Variants in PDS5A observed in about 807,000 individuals in gnomAD.
PDS5A encodes PDS5 cohesin associated factor A.
PDS5A carries 42 observed loss-of-function variants against 167.1 expected under a neutral mutation model. The ratio of observed to expected loss-of-function variants is 0.25; its 90% CI spans 0.20 to 0.33. The LOEUF (loss-of-function observed/expected upper bound fraction) is 0.33. Ranked by LOEUF, PDS5A falls within the 10% of genes least tolerant of loss-of-function variation. The pLI, the probability that PDS5A is intolerant of heterozygous loss-of-function variation, is 1.00. For missense variants in PDS5A, 1,033 were observed against 1,605.9 expected, an observed-to-expected ratio of 0.64 and a Z score of 6.10; for synonymous variants, 553 against 554.6, an observed-to-expected ratio of 1.00 and a Z score of 0.04.
intron 2 of PDS5A, among the ~76,000 whole-genome samples, chr4:39,944,360 G>C (rs531706734): frequency 6.6e-6 from 1 of 152,090 alleles, no homozygotes; most frequent in Admixed American, 6.6e-5. Context: ...AGCCTCAAGG[G>C]GAATTCATAA....
rs1386669089 is a variant in PDS5A, at chr4:39,926,881, ATTAAT to A, written c.343-25_343-21del. On this transcript the variant is annotated intron_variant, in intron 3 of 32. Coordinates refer to ENST00000303538, the MANE Select transcript of PDS5A (RefSeq NM_001100399.2). ...TATGTCCTGTTAAAAAAAAAAACAC[ATTAAT>A]TTAGACACAAATACTTTTCTTTCAC... 1.4e-6 allele frequency: 2 copies of A among 1,388,382 alleles called. No individual in the cohort carries two copies. The highest frequency in any genetic ancestry group is 5.6e-5 in the East Asian group (2 of 35,928). The allele number at this position is 1,388,382 out of a possible 1,614,324, so 86.0% of individuals were successfully genotyped here. A position where few individuals can be genotyped will look rare whatever the true frequency, so the allele number is the denominator to read the frequency against.
At chr4:39,930,246 A>AAAAATTTTTT in intron 2 of PDS5A, among the ~76,000 whole-genome samples, 1 of 93,090 alleles carries the variant, frequency 1.1e-5, no homozygotes, top group Non-Finnish European at 2.2e-5. Context: ...AAAAAAAAAA[A>AAAAATTTTTT]GTTTTTTTGT....
intron 2 of PDS5A, among the ~76,000 whole-genome samples, chr4:39,962,031 A>C (rs1729521605): frequency 6.6e-6 from 1 of 151,584 alleles, no homozygotes; most frequent in Non-Finnish European, 1.5e-5. Context: ...ATTTCTCCAA[A>C]CTAAAAAGGT....
intron 11 of PDS5A, 88 bp downstream of exon 11, chr4:39,908,305 AAG>A (rs1341971702): frequency 2.1e-6 from 2 of 973,518 alleles, no homozygotes; most frequent in African/African-American, 3.3e-5. Flanking sequence ...TTCACACAGA[AAG>A]ACATTAAATG....
At chr4:39,918,174 C>G (rs576155870) in intron 7 of PDS5A, among the ~76,000 whole-genome samples, 1 of 129,520 alleles carries the variant, frequency 7.7e-6, no homozygotes, top group Non-Finnish European at 1.6e-5. Context: ...CAGAACAAGA[C>G]CCTGTCTCAA....
chr4:39,851,895 A>AG (rs1718152709), intron 26 of PDS5A, among the ~76,000 whole-genome samples: 1 of 152,166 alleles, frequency 6.6e-6, no homozygotes, highest in South Asian at 2.1e-4. Context: ...ACAGAAGTAT[A>AG]GGGTCAGGAT....
At chr4:39,911,767 G>A (rs1388200612) in intron 9 of PDS5A, among the ~76,000 whole-genome samples, 1 of 149,352 alleles carries the variant, frequency 6.7e-6, no homozygotes, top group Non-Finnish European at 1.5e-5. Context: ...GGGAGGCGAA[G>A]CTTGCAGTGA....
At chr4:39,921,031 C>T (rs1724913508) in intron 6 of PDS5A, among the ~76,000 whole-genome samples, 1 of 152,098 alleles carries the variant, frequency 6.6e-6, no homozygotes, top group Admixed American at 6.6e-5. Context: ...ATTAACATTG[C>T]TATATCTTGA....
At chr4:39,969,765 ATATT>A (rs1212003740) in intron 2 of PDS5A, among the ~76,000 whole-genome samples, 3 of 151,946 alleles carry the variant, frequency 2.0e-5, no homozygotes, top group Non-Finnish European at 2.9e-5. Flanking sequence ...TTAATACAAA[ATATT>A]CATTCATTCA....
At chr4:39,844,234 G>A (rs1717357195) in intron 30 of PDS5A, among the ~76,000 whole-genome samples, 1 of 152,122 alleles carries the variant, frequency 6.6e-6, no homozygotes, top group African/African-American at 2.4e-5. Context: ...CAACACTTTG[G>A]GAGGCTGAGG....
At chr4:39,976,992 C>G (rs1476177306) in intron 1 of PDS5A, among the ~76,000 whole-genome samples, 1 of 152,174 alleles carries the variant, frequency 6.6e-6, no homozygotes, top group Non-Finnish European at 1.5e-5. Context: ...CCCGCCCGGC[C>G]AGTCCCCTCC....
At chr4:39,911,788 C>T (rs957592064) in intron 9 of PDS5A, among the ~76,000 whole-genome samples, 17 of 148,378 alleles carry the variant, frequency 1.1e-4, no homozygotes, top group African/African-American at 3.2e-4. Context: ...GCAGAGATCG[C>T]GCCACTGCAC....
At chr4:39,908,696 C>G in intron 10 of PDS5A, 156 bp from the exon 11 acceptor site, 2 of 606,902 alleles carry the variant, frequency 3.3e-6, no homozygotes, top group Non-Finnish European at 5.8e-6. Flanking sequence ...TTTACAGCAG[C>G]AGTACTCTAC....
At chr4:39,843,721 A>T (rs1717279386) in intron 30 of PDS5A, among the ~76,000 whole-genome samples, 2 of 151,672 alleles carry the variant, frequency 1.3e-5, no homozygotes, top group African/African-American at 4.8e-5. Context: ...TATTAAAAAT[A>T]AGTATTTTGA....
chr4:39,826,483 T>C (rs1715334576), intron 32 of PDS5A, among the ~76,000 whole-genome samples: 1 of 150,640 alleles, frequency 6.6e-6, no homozygotes, highest in Non-Finnish European at 1.5e-5. Context: ...TTTTATTTAT[T>C]TATTTATTTA....
At chr4:39,883,934 C>G (rs1721183123) in intron 17 of PDS5A, among the ~76,000 whole-genome samples, 1 of 144,866 alleles carries the variant, frequency 6.9e-6, no homozygotes, top group South Asian at 2.3e-4. Flanking sequence ...CCAGCCTTCT[C>G]CTTTGCTTTT....
chr4:39,847,687 G>GT (rs1214302776), intron 28 of PDS5A: 1 of 152,192 alleles, frequency 6.6e-6, no homozygotes, highest in Non-Finnish European at 1.5e-5. Context: ...GCAAGGCACA[G>GT]TTATGTGTTC....
intron 2 of PDS5A, among the ~76,000 whole-genome samples, chr4:39,951,254 T>C (rs1007826065): frequency 2.0e-5 from 3 of 152,192 alleles, no homozygotes; most frequent in Admixed American, 1.3e-4. Flanking sequence ...GACTACATAA[T>C]GAGGACAGCA....
rs149976710 is a variant in PDS5A at position 39,865,786 on chromosome 4, C to A, written c.2642+1075G>T. Among the ~76,000 whole-genome samples, 519 of 152,358 alleles carry A rather than the reference C, an allele frequency of 3.4e-3. 6 individuals carry two copies. Among genetic ancestry groups the A allele is most frequent in the African/African-American group, 0.011 (475 of 41,592 alleles). On this transcript the variant is annotated intron_variant, in intron 23 of 32. Transcript: ENST00000303538. ...AAAGTGCTGGGATTACAGGCGTAAG[C>A]CACTGCACTCAGCCTCATAAAGAAT...
Sources: allele counts gnomAD v4.1 joint callset (sites outside exome capture counted in the v4.1 genomes callset), GRCh38; gene constraint gnomAD v4.1.1; transcripts MANE v1.5; gene names NCBI Gene and HGNC (gene_info 2026-07-23, HGNC 2026-07-21).